Variants in ZFAT observed in about 807,000 individuals in gnomAD.
ZFAT encodes the protein zinc finger and AT-hook domain containing, also known as zinc finger protein ZFAT.
In ZFAT, 64 loss-of-function variants were observed where a neutral mutation model predicts 117.7. The observed-to-expected ratio is 0.54, with a 90% confidence interval of 0.44 to 0.67. The LOEUF (loss-of-function observed/expected upper bound fraction) is 0.67. Among genes scored for constraint, ZFAT ranks in the 30% least tolerant of loss-of-function variants. The probability of loss-of-function intolerance (pLI) is 0.00; values close to 1 mark genes in which losing one functional copy is unlikely to be tolerated. For missense variants in ZFAT, 1,433 were observed against 1,584.5 expected, an observed-to-expected ratio of 0.90 and a Z score of 1.62; for synonymous variants, 679 against 615.0, an observed-to-expected ratio of 1.10 and a Z score of -1.54.
At chr8:134,561,503 A>G (rs1824047486) in intron 11 of ZFAT, among the ~76,000 whole-genome samples, 1 of 152,250 alleles carries the variant, frequency 6.6e-6, no homozygotes, top group Non-Finnish European at 1.5e-5. Flanking sequence ...TTCCATATGG[A>G]AAGGAATCAA....
At chr8:134,763,363 C>T in the ZFAT span, among the ~76,000 whole-genome samples, 1 of 152,130 alleles carries the variant, frequency 6.6e-6, no homozygotes, top group Non-Finnish European at 1.5e-5. Flanking sequence ...TTACTACCTT[C>T]GAGCTTTTTT....
chr8:134,477,918 T>TCA lies in ZFAT; in HGVS notation c.*563_*564insTG. The TCA allele has an allele frequency of 1.3e-5, 2 of 153,734 alleles. No individual in the cohort carries two copies. The highest frequency in any genetic ancestry group is 2.9e-5 in the Non-Finnish European group (2 of 69,044). 9.5% of individuals were successfully genotyped at this position (153,734 alleles called of 1,614,324 possible). On this transcript the variant is annotated 3_prime_UTR_variant, in exon 16 of 16. Coordinates refer to ENST00000377838, the MANE Select transcript of ZFAT (RefSeq NM_020863.4). Reference sequence around the variant, plus strand: ...AGGGCGAGACCCTGTGATGGGTGAATTTACCTCACTTGATACCAAGGGCCC... The same window carrying TCA: ...AGGGCGAGACCCTGTGATGGGTGAATCATTACCTCACTTGATACCAAGGGCCC...
intron 10 of ZFAT, among the ~76,000 whole-genome samples, chr8:134,576,239 T>C (rs1825289117): frequency 6.6e-6 from 1 of 152,230 alleles, no homozygotes; most frequent in Non-Finnish European, 1.5e-5. Context: ...CATTTTATAG[T>C]ATGGGCCCAC....
the ZFAT span, among the ~76,000 whole-genome samples, chr8:134,822,126 A>G: frequency 1.3e-5 from 2 of 152,134 alleles, no homozygotes; most frequent in African/African-American, 4.8e-5. Context: ...GGGAAATGCA[A>G]AACCTATTTT....
chr8:134,753,648 C>T, the ZFAT span, among the ~76,000 whole-genome samples: 1 of 152,044 alleles, frequency 6.6e-6, no homozygotes, highest in African/African-American at 2.4e-5. Context: ...TCTGAATGAA[C>T]CAATAAATGC....
At chr8:134,764,193 C>A in the ZFAT span, among the ~76,000 whole-genome samples, 1 of 152,248 alleles carries the variant, frequency 6.6e-6, no homozygotes, top group Non-Finnish European at 1.5e-5. Context: ...ATTTACCCAG[C>A]AAAGTCCAGG....
At chr8:134,676,283 A>G (rs969708268) in intron 1 of ZFAT, among the ~76,000 whole-genome samples, 5 of 147,040 alleles carry the variant, frequency 3.4e-5, no homozygotes, top group South Asian at 2.2e-4. Flanking sequence ...AAAAAATCCC[A>G]GGGGTTGCAA....
chr8:134,578,854 C>A (rs1194590099), intron 10 of ZFAT, among the ~76,000 whole-genome samples: 2 of 152,200 alleles, frequency 1.3e-5, no homozygotes, highest in Non-Finnish European at 2.9e-5. Context: ...ATGCTTTTGA[C>A]TTGAGCAAAG....
At chr8:134,732,738 G>A in the ZFAT span, among the ~76,000 whole-genome samples, 5 of 152,198 alleles carry the variant, frequency 3.3e-5, no homozygotes, top group African/African-American at 9.7e-5. Flanking sequence ...TACGTTTCCA[G>A]CAACATCACA....
intron 1 of ZFAT, among the ~76,000 whole-genome samples, chr8:134,704,081 G>A (rs1834084513): frequency 6.6e-6 from 1 of 152,164 alleles, no homozygotes; most frequent in Non-Finnish European, 1.5e-5. Flanking sequence ...AGGTCCCAGG[G>A]CTGTTAGACA....
At chr8:134,652,129 C>A (rs1202994367) in intron 2 of ZFAT, among the ~76,000 whole-genome samples, 1 of 152,120 alleles carries the variant, frequency 6.6e-6, no homozygotes, top group African/African-American at 2.4e-5. Context: ...ACCAGCCTGG[C>A]CAAAATGGCA....
the ZFAT span, among the ~76,000 whole-genome samples, chr8:134,828,636 C>T: frequency 0.11 from 17,432 of 152,174 alleles, 1,235 homozygotes; most frequent in East Asian, 0.24. Flanking sequence ...ACATGAAGTA[C>T]GAACTAACCC....
intron 1 of ZFAT, among the ~76,000 whole-genome samples, chr8:134,712,545 G>A (rs1321714787): frequency 6.6e-6 from 1 of 151,966 alleles, no homozygotes; most frequent in East Asian, 1.9e-4. Flanking sequence ...ACTGCGTTCC[G>A]TCGCTGGCCC....
At chr8:134,495,227 AG>A (rs1359746820) in intron 15 of ZFAT, among the ~76,000 whole-genome samples, 1 of 152,234 alleles carries the variant, frequency 6.6e-6, no homozygotes, top group African/African-American at 2.4e-5. Flanking sequence ...GTCTGAGATC[AG>A]GGAGCCAGCA....
At chr8:134,486,685 G>A (rs919083085) in intron 15 of ZFAT, among the ~76,000 whole-genome samples, 8 of 152,140 alleles carry the variant, frequency 5.3e-5, no homozygotes, top group African/African-American at 1.7e-4. Context: ...CGTGTTTCAG[G>A]GGAGGAGGAC....
chr8:134,672,908 A>G (rs1367557289), intron 1 of ZFAT, among the ~76,000 whole-genome samples: 1 of 152,230 alleles, frequency 6.6e-6, no homozygotes, highest in African/African-American at 2.4e-5. Flanking sequence ...AAGAAAATAT[A>G]AAAACAATAA....
chr8:134,808,006 T>C, the ZFAT span, among the ~76,000 whole-genome samples: 1 of 152,218 alleles, frequency 6.6e-6, no homozygotes, highest in Non-Finnish European at 1.5e-5. Context: ...TCAAAGTGTT[T>C]TTATACATTT....
chr8:134,774,763 T>A, the ZFAT span, among the ~76,000 whole-genome samples: 2 of 152,210 alleles, frequency 1.3e-5, no homozygotes, highest in African/African-American at 4.8e-5. Context: ...TCCTAGCCTA[T>A]CTTCTCATTC....
At chr8:134,608,678 T>C in intron 5 of ZFAT, 51 bp downstream of exon 5, 1 of 1,589,190 alleles carries the variant, frequency 6.3e-7, no homozygotes, top group Non-Finnish European at 8.5e-7. Flanking sequence ...CTCTGTGGAG[T>C]TCACTCACAT....
Sources: allele counts gnomAD v4.1 joint callset (sites outside exome capture counted in the v4.1 genomes callset), GRCh38; gene constraint gnomAD v4.1.1; transcripts MANE v1.5; gene names NCBI Gene and HGNC (gene_info 2026-07-23, HGNC 2026-07-21).